The following SDK1 variants were observed in gnomAD, a reference collection of about 807,000 sequenced individuals.
The protein encoded by SDK1 is protein sidekick-1.
Under a neutral mutation model 245.5 loss-of-function variants are expected in SDK1, and 157 were observed. The observed-to-expected ratio is 0.64, with a 90% CI of 0.56 to 0.73. The LOEUF (loss-of-function observed/expected upper bound fraction) is 0.73. SDK1 is among the 30% of genes least tolerant of loss of function. The pLI is 0.00. For synonymous variants in SDK1, 1,647 were observed against 1,278.5 expected (o/e 1.29, Z -6.15); for missense variants, 3,583 against 3,002.3 (o/e 1.19, Z -4.52).
At chr7:3,676,617 G>C (rs1190813392) in intron 4 of SDK1, among the ~76,000 whole-genome samples, 1 of 152,162 alleles carries the variant, frequency 6.6e-6, no homozygotes, top group African/African-American at 2.4e-5. Flanking sequence ...GAGCCACCAC[G>C]CCTTGCCCTC....
intron 1 of SDK1, among the ~76,000 whole-genome samples, chr7:3,406,142 A>C (rs1037404721): frequency 6.6e-6 from 1 of 152,196 alleles, no homozygotes; most frequent in Non-Finnish European, 1.5e-5. Flanking sequence ...AACAAACTCT[A>C]GAACAAGTTA....
In SDK1 at chr7:4,268,578, G is replaced by C. The variant is rs907537475; in HGVS notation, c.*3194G>C. 1.5e-6 allele frequency: 2 copies of C among 1,350,046 alleles called. No homozygotes were observed. Among genetic ancestry groups the C allele is most frequent in the Non-Finnish European group, 2.0e-6 (2 of 1,012,636 alleles). 83.6% of individuals were successfully genotyped at this position (1,350,046 alleles called of 1,614,324 possible). A position where few individuals can be genotyped will look rare whatever the true frequency, so the allele number is the denominator to read the frequency against. On this transcript the variant is annotated 3_prime_UTR_variant, in exon 45 of 45. Transcript: ENST00000404826. Reference sequence around the variant, plus strand: ...GGTGGCTCACTCTGTACAGGTCTTCGGAGGCCGTGTTTGTATCTAACTGTG... The same window carrying C: ...GGTGGCTCACTCTGTACAGGTCTTCCGAGGCCGTGTTTGTATCTAACTGTG...
chr7:3,907,960 TTTG>T (rs138868300), intron 5 of SDK1, among the ~76,000 whole-genome samples: 7 of 152,252 alleles, frequency 4.6e-5, no homozygotes, highest in African/African-American at 1.2e-4. Flanking sequence ...AAGAGGGTTT[TTTG>T]TTGTTGTTGT....
At chr7:3,487,831 A>G (rs58979693) in intron 1 of SDK1, among the ~76,000 whole-genome samples, 39,817 of 150,786 alleles carry the variant, frequency 0.26, 5,490 homozygotes, top group East Asian at 0.34. Context: ...ACAAAATCAT[A>G]CCTTAGCATT....
intron 14 of SDK1, among the ~76,000 whole-genome samples, chr7:3,991,373 A>G (rs1784304076): frequency 6.6e-6 from 1 of 152,182 alleles, no homozygotes; most frequent in African/African-American, 2.4e-5. Flanking sequence ...ACGCCCAGGC[A>G]GAAATGGCTT....
intron 1 of SDK1, among the ~76,000 whole-genome samples, chr7:3,603,396 A>C (rs1350062816): frequency 1.3e-5 from 2 of 151,326 alleles, no homozygotes; most frequent in Non-Finnish European, 2.9e-5. Flanking sequence ...GAGGTCCTTC[A>C]TATCCCTTGT....
chr7:3,676,146 T>C (rs1783887187), intron 4 of SDK1, among the ~76,000 whole-genome samples: 1 of 152,020 alleles, frequency 6.6e-6, no homozygotes, highest in African/African-American at 2.4e-5. Context: ...TTGTATTTTT[T>C]TGTGGAGACG....
chr7:3,787,032 G>C (rs1049104475), intron 4 of SDK1, among the ~76,000 whole-genome samples: 2 of 152,052 alleles, frequency 1.3e-5, no homozygotes, highest in African/African-American at 4.8e-5. Context: ...ATACACTTTA[G>C]TGGTGGTTGA....
intron 1 of SDK1, among the ~76,000 whole-genome samples, chr7:3,594,943 T>C (rs138500684): frequency 2.0e-5 from 3 of 152,216 alleles, no homozygotes; most frequent in African/African-American, 4.8e-5. Context: ...TTTACTGTTT[T>C]TCTAGTAGGT....
chr7:3,802,294 C>T (rs2115036634), intron 4 of SDK1, among the ~76,000 whole-genome samples: 1 of 152,178 alleles, frequency 6.6e-6, no homozygotes, highest in South Asian at 2.1e-4. Flanking sequence ...GAGGCCGAGG[C>T]AGGAGGATCA....
intron 1 of SDK1, among the ~76,000 whole-genome samples, chr7:3,437,304 G>C (rs1780057289): frequency 6.6e-6 from 1 of 152,160 alleles, no homozygotes; most frequent in East Asian, 1.9e-4. Flanking sequence ...GTGGGCCTTG[G>C]GGTGGAATTA....
intron 1 of SDK1, among the ~76,000 whole-genome samples, chr7:3,309,123 G>T (rs1353286424): frequency 6.6e-6 from 1 of 152,074 alleles, no homozygotes; most frequent in African/African-American, 2.4e-5. Flanking sequence ...TAGTATTTGT[G>T]AGTCCCTCTC....
intron 14 of SDK1, among the ~76,000 whole-genome samples, chr7:4,006,975 C>A (rs983444536): frequency 6.6e-6 from 1 of 152,234 alleles, no homozygotes; most frequent in Non-Finnish European, 1.5e-5. Context: ...TGATTAATCG[C>A]CTCAGTCACC....
intron 36 of SDK1, 71 bp from the exon 37 acceptor site, chr7:4,208,028 T>A: frequency 8.3e-7 from 1 of 1,200,466 alleles, no homozygotes. Flanking sequence ...GCTTTGACCT[T>A]ACACTCAGTG....
At chr7:3,922,383 G>C (rs189709245) in intron 5 of SDK1, among the ~76,000 whole-genome samples, 1 of 152,172 alleles carries the variant, frequency 6.6e-6, no homozygotes, top group Non-Finnish European at 1.5e-5. Flanking sequence ...GCTTGAAATC[G>C]GCTGTGCCGG....
chr7:3,648,765 A>G (rs149761603), intron 4 of SDK1, among the ~76,000 whole-genome samples: 12 of 152,352 alleles, frequency 7.9e-5, no homozygotes, highest in African/African-American at 2.2e-4. Context: ...TTTATAGAGT[A>G]TATGTGTGAA....
At chr7:4,207,774 A>G (rs575318418) in intron 36 of SDK1, among the ~76,000 whole-genome samples, 1 of 152,296 alleles carries the variant, frequency 6.6e-6, no homozygotes, top group East Asian at 1.9e-4. Context: ...CATCATCGGC[A>G]GCTGAAGGGC....
At chr7:3,912,198 C>T (rs753321844) in intron 5 of SDK1, among the ~76,000 whole-genome samples, 4 of 152,174 alleles carry the variant, frequency 2.6e-5, no homozygotes, top group Middle Eastern at 3.4e-3. Flanking sequence ...AAGAGGACTC[C>T]GTAATAGAGA....
intron 4 of SDK1, among the ~76,000 whole-genome samples, chr7:3,805,432 C>A (rs534649118): frequency 1.1e-4 from 16 of 152,298 alleles, no homozygotes; most frequent in Non-Finnish European, 1.9e-4. Flanking sequence ...TTCTTGAGTT[C>A]TTGTGACATG....
Sources: allele counts gnomAD v4.1 joint callset (sites outside exome capture counted in the v4.1 genomes callset), GRCh38; gene constraint gnomAD v4.1.1; transcripts MANE v1.5; gene names NCBI Gene and HGNC (gene_info 2026-07-23, HGNC 2026-07-21).